The following PCDHGB2 variants were observed in gnomAD, a reference collection of about 807,000 sequenced individuals.
PCDHGB2 encodes the protein protocadherin gamma subfamily B, 2, also known as protocadherin gamma-B2.
A neutral mutation model predicts 59.3 loss-of-function variants in PCDHGB2; 55 were observed. That is an observed-to-expected ratio of 0.93 (90% CI 0.75 to 1.16). The LOEUF (loss-of-function observed/expected upper bound fraction) is 1.16. PCDHGB2 is among the 50% of genes most tolerant of loss of function. The pLI is 0.00. For missense variants in PCDHGB2, 1,228 were observed against 1,198.5 expected (o/e 1.02, Z -0.36); for synonymous variants, 516 against 512.0 (o/e 1.01, Z -0.11).
rs1441916525 is a variant in PCDHGB2, at chr5:141,362,074, C to A, written c.1939C>A (p.Arg647Ser). 1 of 1,612,448 alleles carries A rather than the reference C, an allele frequency of 6.2e-7. No individual in the cohort carries two copies. The highest frequency in any genetic ancestry group is 2.2e-5 in the East Asian group (1 of 44,874). Residue 647 changes from arginine to serine, a missense_variant, in exon 1 of 4, where the codon CGT becomes AGT. This residue lies in a region of PCDHGB2 where 433 missense variants were observed against 441.8 expected (regional missense o/e 0.98). Coordinates refer to ENST00000522605, the MANE Select transcript of PCDHGB2 (RefSeq NM_018923.3). ...CCGCCAGCGCCTGCTGGTCGCTGTG[C>A]GTGATGGAGGACAGCCGCCACTCTC... Reference protein sequence around the residue: ...AARQRLLVAVRDGGQPPLSAT... With the variant: ...AARQRLLVAVSDGGQPPLSAT...
chr5:141,505,041 C>T (rs1028101225), intron 2 of PCDHGB2, among the ~76,000 whole-genome samples: 4 of 152,142 alleles, frequency 2.6e-5, no homozygotes, highest in African/African-American at 9.7e-5. Flanking sequence ...AGGTGCCTGT[C>T]ATCCCAGCTA....
intron 1 of PCDHGB2, among the ~76,000 whole-genome samples, chr5:141,484,752 A>G (rs181317421): frequency 6.6e-5 from 10 of 151,098 alleles, no homozygotes; most frequent in Admixed American, 3.3e-4. Context: ...AAAAAAATGT[A>G]TATATATATA....
chr5:141,402,233 AT>A (rs1490030425), intron 1 of PCDHGB2, among the ~76,000 whole-genome samples: 1 of 152,070 alleles, frequency 6.6e-6, no homozygotes, highest in Non-Finnish European at 1.5e-5. Flanking sequence ...TTTTCCAGGA[AT>A]TTTATCATCA....
intron 1 of PCDHGB2, chr5:141,366,903 C>T (rs1018569016): frequency 6.8e-5 from 80 of 1,174,592 alleles, no homozygotes; most frequent in Non-Finnish European, 8.5e-5. Context: ...TTCATGCTTT[C>T]TCCATTTGTT....
At chr5:141,389,267 GA>G (rs2091674195) in intron 1 of PCDHGB2, 1 of 1,613,890 alleles carries the variant, frequency 6.2e-7, no homozygotes, top group African/African-American at 1.3e-5. Context: ...ACGTGGCCGA[GA>G]ACAACCCGCC....
intron 2 of PCDHGB2, among the ~76,000 whole-genome samples, chr5:141,502,705 T>C (rs1475675789): frequency 6.6e-6 from 1 of 152,248 alleles, no homozygotes; most frequent in African/African-American, 2.4e-5. Context: ...TATCTGTTTT[T>C]ACATCAGTGA....
At chr5:141,433,662 C>T (rs1377052782) in intron 1 of PCDHGB2, among the ~76,000 whole-genome samples, 1 of 151,950 alleles carries the variant, frequency 6.6e-6, no homozygotes, top group Non-Finnish European at 1.5e-5. Context: ...ATGGAGAAAC[C>T]CCGTCTATAC....
chr5:141,409,828 C>T (rs2154542180), intron 1 of PCDHGB2: 1 of 1,611,128 alleles, frequency 6.2e-7, no homozygotes, highest in Non-Finnish European at 8.5e-7. Flanking sequence ...CGCCCACGCT[C>T]AGCGCCAACG....
chr5:141,414,909 C>T (rs1230113440), intron 1 of PCDHGB2: 10 of 1,614,102 alleles, frequency 6.2e-6, no homozygotes, highest in Admixed American at 1.7e-5. Context: ...GTTCCACAGG[C>T]GTGGAGCTGG....
At chr5:141,394,743 G>A (rs928437652) in intron 1 of PCDHGB2, 4 of 1,613,314 alleles carry the variant, frequency 2.5e-6, no homozygotes, top group Non-Finnish European at 3.4e-6. Flanking sequence ...GAGCCTCGTG[G>A]TGGCCGTCCA....
chr5:141,421,246 C>T (rs1047768415), intron 1 of PCDHGB2: 16 of 1,603,622 alleles, frequency 1.0e-5, no homozygotes, highest in Admixed American at 1.7e-5. Flanking sequence ...TCGGCTACAG[C>T]GCGGGGACCG....
intron 1 of PCDHGB2, chr5:141,415,035 C>T (rs368588973): frequency 8.9e-5 from 143 of 1,613,460 alleles, no homozygotes; most frequent in Non-Finnish European, 1.1e-4. Flanking sequence ...AGCCGGGACT[C>T]TTCGCGGTGG....
intron 1 of PCDHGB2, chr5:141,393,798 G>C (rs1228076034): frequency 1.2e-6 from 2 of 1,613,876 alleles, no homozygotes; most frequent in Non-Finnish European, 1.7e-6. Flanking sequence ...GGCACTTCTG[G>C]GGAGGACCAA....
At chr5:141,380,329 C>G (rs2150159068) in intron 1 of PCDHGB2, among the ~76,000 whole-genome samples, 1 of 152,142 alleles carries the variant, frequency 6.6e-6, no homozygotes, top group Non-Finnish European at 1.5e-5. Flanking sequence ...CTAAATGGAA[C>G]TTCAAAGAAC....
intron 1 of PCDHGB2, among the ~76,000 whole-genome samples, chr5:141,435,732 C>T (rs2097777160): frequency 6.6e-6 from 1 of 152,150 alleles, no homozygotes; most frequent in South Asian, 2.1e-4. Flanking sequence ...AAGTGTATTA[C>T]TCTTTGAAAA....
chr5:141,418,767 C>T (rs770275597), intron 1 of PCDHGB2: 1 of 1,613,850 alleles, frequency 6.2e-7, no homozygotes, highest in Non-Finnish European at 8.5e-7. Flanking sequence ...AACATTCTAA[C>T]TCAGCAGCCT....
chr5:141,369,637 T>C (rs976124194), intron 1 of PCDHGB2, among the ~76,000 whole-genome samples: 1 of 152,212 alleles, frequency 6.6e-6, no homozygotes, highest in Admixed American at 6.5e-5. Context: ...CTTTAACTTC[T>C]TTTGGGGGGA....
rs1444171664 is a variant in PCDHGB2, at chr5:141,477,015, T to G, written c.2422-17792T>G. The G allele has an allele frequency of 1.2e-6, 2 of 1,614,210 alleles. No homozygotes were observed. Among genetic ancestry groups the G allele is most frequent in the Non-Finnish European group, 1.7e-6 (2 of 1,180,038 alleles). On this transcript the variant is annotated intron_variant, in intron 1 of 3. Coordinates refer to ENST00000522605, the MANE Select transcript of PCDHGB2 (RefSeq NM_018923.3). This position sits in a 1 kb window ranked among gnomAD's most constrained non-coding sequence, Gnocchi z 4.9. ...CGGCAACTATTCGCCTTAGACCTTG[T>G]AACCGGGATGCTGACAATCAAGGGT...
intron 1 of PCDHGB2, chr5:141,403,589 A>G (rs1447316737): frequency 1.2e-6 from 2 of 1,613,812 alleles, no homozygotes; most frequent in East Asian, 2.2e-5. Context: ...CCTGGTCCTC[A>G]CGGCCTCGGA....
Sources: allele counts gnomAD v4.1 joint callset (sites outside exome capture counted in the v4.1 genomes callset), GRCh38; gene constraint gnomAD v4.1.1; regional missense constraint gnomAD v4.1.1; non-coding constraint Gnocchi (gnomAD v3.1); transcripts MANE v1.5; gene names NCBI Gene and HGNC (gene_info 2026-07-23, HGNC 2026-07-21).